LPP: variants seen among roughly 807,000 people sequenced by gnomAD.
LPP encodes LIM domain containing preferred translocation partner in lipoma, also known as lipoma-preferred partner.
Under a neutral mutation model 60.4 loss-of-function variants are expected in LPP, and 38 were observed. The observed-to-expected ratio is 0.63, with a 90% CI of 0.49 to 0.83. The LOEUF (loss-of-function observed/expected upper bound fraction) is 0.83, where lower values mean the gene tolerates loss of function less well. Ranked by LOEUF, LPP falls within the 40% of genes least tolerant of loss-of-function variation. The pLI is 0.00. For missense variants in LPP, 902 were observed against 783.6 expected, an observed-to-expected ratio of 1.15 and a Z score of -1.80; for synonymous variants, 328 against 290.8, an observed-to-expected ratio of 1.13 and a Z score of -1.30.
intron 2 of LPP, among the ~76,000 whole-genome samples, chr3:188,272,249 A>C (rs1488350396): frequency 6.6e-6 from 1 of 152,226 alleles, no homozygotes; most frequent in African/African-American, 2.4e-5. Context: ...TCTTAAAAGC[A>C]TGAATTTAAT....
chr3:188,765,103 T>A (rs1733590834), intron 9 of LPP, among the ~76,000 whole-genome samples: 1 of 152,172 alleles, frequency 6.6e-6, no homozygotes, highest in Non-Finnish European at 1.5e-5. Context: ...ATATACTCAA[T>A]TCTTCTTAAT....
intron 6 of LPP, among the ~76,000 whole-genome samples, chr3:188,566,234 A>G (rs1397598854): frequency 6.6e-6 from 1 of 151,958 alleles, no homozygotes; most frequent in Non-Finnish European, 1.5e-5. Context: ...GCTGTTCCTA[A>G]TAACCATGTT....
intron 2 of LPP, among the ~76,000 whole-genome samples, chr3:188,339,552 A>T (rs879797306): frequency 2.6e-5 from 4 of 152,216 alleles, no homozygotes; most frequent in Non-Finnish European, 4.4e-5. Flanking sequence ...AAGGAGGAAC[A>T]GGCACCTTCT....
chr3:188,553,468 C>A (rs1040009112), intron 6 of LPP, among the ~76,000 whole-genome samples: 2 of 152,124 alleles, frequency 1.3e-5, no homozygotes, highest in African/African-American at 2.4e-5. Context: ...CATGTTGGAG[C>A]TGGCATTACC....
At chr3:188,317,289 A>G (rs1046279943) in intron 2 of LPP, among the ~76,000 whole-genome samples, 1 of 150,202 alleles carries the variant, frequency 6.7e-6, no homozygotes, top group African/African-American at 2.5e-5. Context: ...TAATTCAGGT[A>G]TAGATTAAAG....
chr3:188,657,258 G>GTGTA (rs1553782707), intron 7 of LPP, among the ~76,000 whole-genome samples: 17 of 89,842 alleles, frequency 1.9e-4, no homozygotes, highest in Middle Eastern at 6.6e-3. Flanking sequence ...CTGTCAAGGT[G>GTGTA]TATATATATA....
intron 1 of LPP, among the ~76,000 whole-genome samples, chr3:188,203,548 TATTTTTAAATATATATAA>T (rs1196189201): frequency 2.0e-5 from 2 of 100,330 alleles, no homozygotes; most frequent in East Asian, 5.4e-4. Flanking sequence ...AATATATATA[TATTTTTAAATATATATAA>T]ATATATATTT....
At chr3:188,740,189 C>G (rs1183353272) in intron 8 of LPP, among the ~76,000 whole-genome samples, 1 of 152,034 alleles carries the variant, frequency 6.6e-6, no homozygotes, top group Non-Finnish European at 1.5e-5. Context: ...GTCAATTACT[C>G]TGTTTCCCTA....
At chr3:188,351,810 G>A (rs1765930573) in intron 3 of LPP, among the ~76,000 whole-genome samples, 1 of 152,144 alleles carries the variant, frequency 6.6e-6, no homozygotes, top group Admixed American at 6.5e-5. Flanking sequence ...TGTAGAGACT[G>A]TGAAAATAAG....
intron 4 of LPP, among the ~76,000 whole-genome samples, chr3:188,470,792 GC>G (rs1244024294): frequency 2.6e-5 from 4 of 152,114 alleles, no homozygotes; most frequent in Non-Finnish European, 5.9e-5. Flanking sequence ...GCCAGAGGAA[GC>G]ATTCTGGCAG....
intron 7 of LPP, among the ~76,000 whole-genome samples, chr3:188,663,846 C>T (rs1855156703): frequency 6.6e-6 from 1 of 152,070 alleles, no homozygotes; most frequent in Non-Finnish European, 1.5e-5. Flanking sequence ...CAAACTAGGT[C>T]CCTTACATGC....
chr3:188,565,310 A>T (rs1233458207), intron 6 of LPP, among the ~76,000 whole-genome samples: 2 of 152,038 alleles, frequency 1.3e-5, no homozygotes, highest in Admixed American at 6.6e-5. Flanking sequence ...AAATTTATAA[A>T]GTCAAGGCAA....
At chr3:188,804,258 TATATATATATA>T (rs1748324376) in intron 9 of LPP, among the ~76,000 whole-genome samples, 1 of 112,956 alleles carries the variant, frequency 8.9e-6, no homozygotes, top group Non-Finnish European at 1.8e-5. Flanking sequence ...TATATATATA[TATATATATATA>T]TATATATATA....
At chr3:188,300,715 G>A (rs192573258) in intron 2 of LPP, among the ~76,000 whole-genome samples, 141 of 152,216 alleles carry the variant, frequency 9.3e-4, no homozygotes, top group South Asian at 4.1e-4. Flanking sequence ...AATGTCCTGC[G>A]TTAGGTAAGT....
chr3:188,237,423 A>G lies in LPP; in HGVS notation c.-67+11896A>G, dbSNP rs531562699. On this transcript the variant is annotated intron_variant, in intron 2 of 11. Transcript: ENST00000617246. ...GCATCTAGAATGGTGAATCCTTTTTAGAAAGTTTTCAATTTACTTTGTCCG... is the reference window on the plus strand; with the variant it reads ...GCATCTAGAATGGTGAATCCTTTTTGGAAAGTTTTCAATTTACTTTGTCCG... Among the ~76,000 whole-genome samples the G allele has an allele frequency of 5.9e-5, 9 of 152,334 alleles. No homozygotes were observed. The South Asian group carries it at 1.9e-3, about 32-fold the overall frequency.
intron 4 of LPP, among the ~76,000 whole-genome samples, chr3:188,421,031 C>T (rs1038204316): frequency 4.6e-5 from 7 of 152,206 alleles, no homozygotes; most frequent in South Asian, 2.1e-4. Flanking sequence ...CCCTCACCCC[C>T]CATTTTACTG....
At chr3:188,503,756 A>T (rs1812641723) in intron 5 of LPP, among the ~76,000 whole-genome samples, 1 of 151,126 alleles carries the variant, frequency 6.6e-6, no homozygotes, top group Admixed American at 6.6e-5. Flanking sequence ...CTTTGAATAT[A>T]TTGGCCCTCT....
chr3:188,346,291 G>A (rs973739700), intron 3 of LPP, among the ~76,000 whole-genome samples: 2 of 109,006 alleles, frequency 1.8e-5, no homozygotes, highest in Admixed American at 1.3e-4. Flanking sequence ...ACGGAGTCTC[G>A]CTCTGTCACC....
At chr3:188,642,893 A>C (rs2148828324) in intron 7 of LPP, among the ~76,000 whole-genome samples, 1 of 152,074 alleles carries the variant, frequency 6.6e-6, no homozygotes, top group East Asian at 1.9e-4. Flanking sequence ...CTGAGATCGC[A>C]CCATTGCACT....
Sources: gnomAD v4.1 joint callset for allele counts (sites outside exome capture counted in the v4.1 genomes callset) on GRCh38, gnomAD v4.1.1 for gene constraint, MANE v1.5 for transcripts, NCBI Gene and HGNC (gene_info 2026-07-23, HGNC 2026-07-21) for gene names.